SKA1: variants seen among roughly 807,000 people sequenced by gnomAD.
SKA1 encodes the protein spindle and kinetochore associated complex subunit 1, also known as SKA complex subunit 1.
In SKA1, 20 loss-of-function variants were observed where a neutral mutation model predicts 31.8. The observed-to-expected ratio is 0.63, with a 90% CI of 0.44 to 0.91. SKA1 has a LOEUF of 0.91. Ranked by LOEUF, SKA1 falls within the 40% of genes least tolerant of loss-of-function variation. The pLI is 0.00. For missense variants in SKA1, 253 were observed against 298.2 expected (o/e 0.85, Z 1.12); for synonymous variants, 88 against 100.5 (o/e 0.88, Z 0.74).
rs962316014 is a variant in SKA1, at chr18:50,393,062, C to T, written c.*815C>T. On this transcript the variant is annotated 3_prime_UTR_variant, in exon 7 of 7. Transcript: ENST00000285116. ...TATTTTCAAGATTCACCTCCTCTCA[C>T]CAAATATTTAACTACCTGCTGAATA... is the stretch of plus-strand genomic sequence containing the variant. 1.3e-5 allele frequency: 2 copies of T among 152,236 alleles called. No individual in the cohort carries two copies. Among genetic ancestry groups the T allele is most frequent in the African/African-American group, 4.8e-5 (2 of 41,438 alleles). The allele number at this position is 152,236 out of a possible 1,614,324, so 9.4% of individuals were successfully genotyped here.
chr18:50,389,375 C>CTTTTTTTTTTTTTTTTTTTTTTTTTCTTT (rs756288352), intron 5 of SKA1, among the ~76,000 whole-genome samples: 1 of 86,138 alleles, frequency 1.2e-5, no homozygotes, highest in African/African-American at 5.0e-5. Flanking sequence ...CTTTACCTTT[C>CTTTTTTTTTTTTTTTTTTTTTTTTTCTTT]TTTTTTTTTT....
In SKA1 at chr18:50,393,316, AAAG is replaced by A. The variant is rs955608894; in HGVS notation, c.*1072_*1074del. 3 of 152,426 alleles carry A rather than the reference AAAG, an allele frequency of 2.0e-5. No individual in the cohort carries two copies. Among genetic ancestry groups the A allele is most frequent in the African/African-American group, 7.2e-5 (3 of 41,464 alleles). The allele number at this position is 152,426 out of a possible 1,614,324, so 9.4% of individuals were successfully genotyped here. ...CAGAGCGAGACTCCATCTCAGAAAA[AAAG>A]AAAAAAAGACTGGGTACAGATGTGA... On this transcript the variant is annotated 3_prime_UTR_variant, in exon 7 of 7. Transcript: ENST00000285116.
intron 2 of SKA1, 38 bp downstream of exon 2, chr18:50,375,956 A>AGTC: frequency 7.5e-7 from 1 of 1,329,236 alleles, no homozygotes; most frequent in Non-Finnish European, 1.1e-6. Context: ...GTATATACAA[A>AGTC]ATGCATTTTG....
intron 5 of SKA1, among the ~76,000 whole-genome samples, chr18:50,389,405 T>TTTTTTTTTTTTTTG (rs1568331123): frequency 2.0e-5 from 3 of 147,822 alleles, no homozygotes; most frequent in African/African-American, 7.6e-5. Context: ...TTTTTTACTT[T>TTTTTTTTTTTTTTG]TTTTGTTTTT....
chr18:50,386,153 T>C (rs958603386), intron 5 of SKA1, among the ~76,000 whole-genome samples: 3 of 151,770 alleles, frequency 2.0e-5, no homozygotes, highest in Non-Finnish European at 2.9e-5. Flanking sequence ...TTTATTGTGA[T>C]AATTTTTCTA....
intron 4 of SKA1, among the ~76,000 whole-genome samples, chr18:50,383,052 AAAG>A (rs2041275445): frequency 6.7e-6 from 1 of 148,562 alleles, no homozygotes; most frequent in Non-Finnish European, 1.5e-5. Context: ...TAAATAAATA[AAAG>A]CCAAAGGAAC....
chr18:50,386,908 G>A (rs967344457), intron 5 of SKA1, among the ~76,000 whole-genome samples: 1 of 152,138 alleles, frequency 6.6e-6, no homozygotes, highest in African/African-American at 2.4e-5. Flanking sequence ...GGATGTATTG[G>A]TTTGTTTATT....
At chr18:50,391,004 T>C (rs961088367) in intron 5 of SKA1, 120 bp from the exon 6 acceptor site, 1 of 628,800 alleles carries the variant, frequency 1.6e-6, no homozygotes, top group Admixed American at 3.9e-5. Context: ...ATAAGATTGT[T>C]TTTATAAAGG....
chr18:50,380,902 T>A (rs1021163836), intron 3 of SKA1, among the ~76,000 whole-genome samples: 1 of 152,212 alleles, frequency 6.6e-6, no homozygotes, highest in Non-Finnish European at 1.5e-5. Context: ...CTCAGTGGGA[T>A]TGAACAAGGG....
chr18:50,375,707 T>C (rs1409989816), intron 1 of SKA1, 113 bp from the exon 2 acceptor site: 2 of 651,890 alleles, frequency 3.1e-6, no homozygotes, highest in Admixed American at 3.1e-5. Context: ...TTTTTGTGCT[T>C]AACCTTCAAA....
At chr18:50,377,777 T>C (rs1009836968) in intron 2 of SKA1, among the ~76,000 whole-genome samples, 1 of 152,236 alleles carries the variant, frequency 6.6e-6, no homozygotes, top group African/African-American at 2.4e-5. Context: ...ATTATAATGT[T>C]AGATAGGCCA....
At chr18:50,385,458 T>C in intron 5 of SKA1, 105 bp downstream of exon 5, 1 of 1,093,698 alleles carries the variant, frequency 9.1e-7, no homozygotes. Flanking sequence ...GTTCAAATAT[T>C]GATCTTTTAA....
In SKA1 at chr18:50,385,075, C is replaced by T. The variant is rs1390212346; in HGVS notation, c.312-141C>T. 1.6e-5 allele frequency: 10 copies of T among 636,590 alleles called. 1 individual carries two copies. Among genetic ancestry groups the T allele is most frequent in the Non-Finnish European group, 2.6e-5 (10 of 389,962 alleles). 39.4% of individuals were successfully genotyped at this position (636,590 alleles called of 1,614,324 possible). On this transcript the variant is annotated intron_variant, in intron 4 of 6. Coordinates refer to ENST00000285116, the MANE Select transcript of SKA1 (RefSeq NM_145060.4). ...CCGTTTAATGTTCATGAACAATAGA[C>T]ATAGGGATAGAAAAAAATGTTGGCA...
At position 50,391,297 on chromosome 18, in the gene SKA1, A is replaced by G. The variant is rs2041354670; in HGVS notation, c.619+4A>G. 1 of 1,584,458 alleles carries G rather than the reference A, an allele frequency of 6.3e-7. No individual in the cohort carries two copies. Among genetic ancestry groups the G allele is most frequent in the Admixed American group, 1.9e-5 (1 of 52,844 alleles). ...GAAGAAACGAAGGATACCAAAGGTA[A>G]AATGGCAGCATATATGTGTGTACAT... is the stretch of plus-strand genomic sequence containing the variant. On this transcript the variant is annotated splice_donor_region_variant and intron_variant, in intron 6 of 6. Coordinates refer to ENST00000285116, the MANE Select transcript of SKA1 (RefSeq NM_145060.4).
At chr18:50,378,296 T>TG (rs1002880455) in intron 2 of SKA1, among the ~76,000 whole-genome samples, 2 of 152,228 alleles carry the variant, frequency 1.3e-5, no homozygotes, top group South Asian at 2.1e-4. Context: ...TCATTTTGTA[T>TG]GGGGGGATAA....
chr18:50,390,828 T>G (rs1388392885), intron 5 of SKA1, among the ~76,000 whole-genome samples: 1 of 152,244 alleles, frequency 6.6e-6, no homozygotes, highest in Non-Finnish European at 1.5e-5. Flanking sequence ...AACTGATATG[T>G]TGCAGTTAAT....
At chr18:50,376,946 A>T (rs1288769266) in intron 2 of SKA1, among the ~76,000 whole-genome samples, 1 of 152,114 alleles carries the variant, frequency 6.6e-6, no homozygotes, top group Non-Finnish European at 1.5e-5. Flanking sequence ...CTAGAAGGTC[A>T]TCGGGGCAGT....
In SKA1 at chr18:50,385,201, A is replaced by G. The variant is rs374490361; in HGVS notation, c.312-15A>G. 1.9e-6 allele frequency: 3 copies of G among 1,597,844 alleles called. No individual in the cohort carries two copies. Among genetic ancestry groups the G allele is most frequent in the South Asian group, 1.1e-5 (1 of 87,284 alleles). On this transcript the variant is annotated splice_polypyrimidine_tract_variant and intron_variant, in intron 4 of 6. Transcript: ENST00000285116. ...CTGAAAATTGCCTGTATGTATGTAC[A>G]TCTGTATTCTGTAGTGTTAAGGGAT...
At chr18:50,387,506 A>G (rs1488113518) in intron 5 of SKA1, among the ~76,000 whole-genome samples, 2 of 152,080 alleles carry the variant, frequency 1.3e-5, no homozygotes, top group East Asian at 3.9e-4. Context: ...CCTGTATGTT[A>G]TACTTTTTTT....
Sources: gnomAD v4.1 joint callset for allele counts (sites outside exome capture counted in the v4.1 genomes callset) on GRCh38, gnomAD v4.1.1 for gene constraint, MANE v1.5 for transcripts, NCBI Gene and HGNC (gene_info 2026-07-23, HGNC 2026-07-21) for gene names.